ATF6: variants seen among roughly 807,000 people sequenced by gnomAD.
ATF6 encodes activating transcription factor 6, also known as cyclic AMP-dependent transcription factor ATF-6 alpha.
ATF6 carries 53 observed loss-of-function variants against 83.6 expected under a neutral mutation model. The observed-to-expected ratio is 0.63, with a 90% CI of 0.51 to 0.80. The LOEUF is 0.80. Among genes scored for constraint, ATF6 ranks in the 30% least tolerant of loss-of-function variants. The probability of loss-of-function intolerance (pLI) is 0.00; values close to 1 mark genes in which losing one functional copy is unlikely to be tolerated. For synonymous variants in ATF6, 288 were observed against 285.8 expected (o/e 1.01, Z -0.08); for missense variants, 744 against 797.9 (o/e 0.93, Z 0.81).
chr1:161,828,172 G>A (rs1013213818), intron 9 of ATF6, among the ~76,000 whole-genome samples: 1 of 151,626 alleles, frequency 6.6e-6, no homozygotes, highest in African/African-American at 2.4e-5. Context: ...ATGCTGTAAA[G>A]TGTTACTTTA....
chr1:161,840,639 A>T (rs1393465439), intron 9 of ATF6, among the ~76,000 whole-genome samples: 3 of 152,214 alleles, frequency 2.0e-5, no homozygotes, highest in Non-Finnish European at 4.4e-5. Context: ...AATCTAAAAC[A>T]GTTGTTGGCT....
At chr1:161,847,345 G>A (rs997278348) in intron 10 of ATF6, among the ~76,000 whole-genome samples, 1 of 152,074 alleles carries the variant, frequency 6.6e-6, no homozygotes, top group African/African-American at 2.4e-5. Context: ...TTTGTAGGTT[G>A]AGGGCAATCT....
chr1:161,932,950 C>G (rs1227058438), intron 15 of ATF6, among the ~76,000 whole-genome samples: 12 of 152,318 alleles, frequency 7.9e-5, no homozygotes, highest in African/African-American at 2.9e-4. Flanking sequence ...TGAGACAGCA[C>G]ATGACATGGC....
chr1:161,779,903 A>G (rs765263574), intron 2 of ATF6, among the ~76,000 whole-genome samples: 11 of 151,968 alleles, frequency 7.2e-5, no homozygotes, highest in Middle Eastern at 3.4e-3. Flanking sequence ...ACGCCTGGCT[A>G]ATTTTTGTAT....
intron 11 of ATF6, among the ~76,000 whole-genome samples, chr1:161,852,449 A>C (rs1686654457): frequency 6.6e-6 from 1 of 152,100 alleles, no homozygotes; most frequent in African/African-American, 2.4e-5. Flanking sequence ...AATTGAGTTC[A>C]TTCTTTTTCT....
Position 161,958,554 on chromosome 1 carries a change from G to C in ATF6, c.1913G>C (p.Arg638Pro). Residue 638 changes from arginine (R) to proline (P), a missense_variant, in exon 16 of 16, where the codon CGA (arginine) becomes CCA (proline). By Grantham distance (103) the Arg-to-Pro change is moderately radical. Coordinates refer to ENST00000367942, the MANE Select transcript of ATF6 (RefSeq NM_007348.4). ...IKSSSVPPYL[R>P]DQQRNQTNTF... ...AGTTCGTCAGTTCCTCCTTACCTCC[G>C]AGATCAGCAGAGGAATCAAACCAAC... 1 of 1,613,976 alleles carries C rather than the reference G, an allele frequency of 6.2e-7. No individual in the cohort carries two copies. The highest frequency in any genetic ancestry group is 2.2e-5 in the East Asian group (1 of 44,884).
At chr1:161,913,113 G>A (rs1040072125) in intron 15 of ATF6, among the ~76,000 whole-genome samples, 1 of 152,130 alleles carries the variant, frequency 6.6e-6, no homozygotes, top group Non-Finnish European at 1.5e-5. Context: ...TGAGCACAGT[G>A]TATGTTATTG....
chr1:161,917,582 G>A (rs1165280671), intron 15 of ATF6, among the ~76,000 whole-genome samples: 2 of 152,152 alleles, frequency 1.3e-5, no homozygotes, highest in East Asian at 1.9e-4. Context: ...CACCACGCCC[G>A]GCTAATTTTT....
At chr1:161,922,857 T>C (rs371319878) in intron 15 of ATF6, among the ~76,000 whole-genome samples, 20 of 151,916 alleles carry the variant, frequency 1.3e-4, no homozygotes, top group African/African-American at 4.6e-4. Context: ...AGACAGGGAA[T>C]TGTAGGCCAC....
chr1:161,849,347 G>A (rs1244592698), intron 10 of ATF6, among the ~76,000 whole-genome samples: 1 of 152,092 alleles, frequency 6.6e-6, no homozygotes, highest in Non-Finnish European at 1.5e-5. Context: ...GAATATTCCT[G>A]GTGCAAGTTG....
At chr1:161,801,878 TAAC>T (rs1486011977) in intron 6 of ATF6, among the ~76,000 whole-genome samples, 171 bp from the exon 7 acceptor site, 4 of 152,210 alleles carry the variant, frequency 2.6e-5, no homozygotes, top group Admixed American at 2.0e-4. Flanking sequence ...ATTAAAAACA[TAAC>T]AAAGTCACCA....
At chr1:161,886,246 G>C (rs1487532556) in intron 14 of ATF6, among the ~76,000 whole-genome samples, 1 of 152,142 alleles carries the variant, frequency 6.6e-6, no homozygotes, top group African/African-American at 2.4e-5. Flanking sequence ...CATGAAGTTT[G>C]GTTCTTAACC....
chr1:161,862,116 C>T (rs567431380), intron 13 of ATF6, among the ~76,000 whole-genome samples: 1 of 152,260 alleles, frequency 6.6e-6, no homozygotes, highest in South Asian at 2.1e-4. Flanking sequence ...CTGTATTTCC[C>T]CCAGGAGGAT....
intron 9 of ATF6, among the ~76,000 whole-genome samples, chr1:161,830,692 T>G (rs1416960917): frequency 3.3e-5 from 5 of 152,206 alleles, no homozygotes; most frequent in Non-Finnish European, 5.9e-5. Flanking sequence ...AACCAAGCAA[T>G]GGGGAAAGGA....
intron 4 of ATF6, among the ~76,000 whole-genome samples, chr1:161,788,969 A>C (rs1684810215): frequency 6.6e-6 from 1 of 152,188 alleles, no homozygotes; most frequent in Middle Eastern, 3.4e-3. Flanking sequence ...TTGTGAGTGA[A>C]ATATTTATTT....
chr1:161,915,942 T>C (rs1274612742), intron 15 of ATF6, among the ~76,000 whole-genome samples: 1 of 152,152 alleles, frequency 6.6e-6, no homozygotes, highest in African/African-American at 2.4e-5. Flanking sequence ...TTAATATTAC[T>C]GTTACCTCTG....
chr1:161,903,086 A>G (rs1687819977), intron 14 of ATF6, among the ~76,000 whole-genome samples: 2 of 152,166 alleles, frequency 1.3e-5, no homozygotes, highest in African/African-American at 2.4e-5. Flanking sequence ...AATTTAATTT[A>G]GTTTCTTCCA....
intron 14 of ATF6, among the ~76,000 whole-genome samples, chr1:161,864,018 CATGA>C (rs1259154926): frequency 6.6e-6 from 1 of 152,176 alleles, no homozygotes. Context: ...CCCAGGAGCA[CATGA>C]ATGAATTAGA....
chr1:161,932,092 T>C (rs184388746), intron 15 of ATF6, among the ~76,000 whole-genome samples: 5 of 152,304 alleles, frequency 3.3e-5, no homozygotes, highest in Admixed American at 3.3e-4. Context: ...CCCTAAAATA[T>C]AGGGTTGTTA....
Sources: gnomAD v4.1 joint callset for allele counts (sites outside exome capture counted in the v4.1 genomes callset) on GRCh38, gnomAD v4.1.1 for gene constraint, MANE v1.5 for transcripts, NCBI Gene and HGNC (gene_info 2026-07-23, HGNC 2026-07-21) for gene names.